TKTL1: variants seen among roughly 807,000 people sequenced by gnomAD.
TKTL1 encodes the protein transketolase-like protein 1.
Under a neutral mutation model 39.3 loss-of-function variants are expected in TKTL1, and 1 was observed. The observed-to-expected ratio is 0.03, with a 90% CI of 0.01 to 0.12. The LOEUF (loss-of-function observed/expected upper bound fraction) is 0.12. Ranked by LOEUF, TKTL1 falls within the 10% of genes least tolerant of loss-of-function variation. TKTL1 has a pLI of 1.00. For synonymous variants in TKTL1, 262 were observed against 193.8 expected (o/e 1.35, Z -2.92); for missense variants, 575 against 509.6 (o/e 1.13, Z -1.24).
At chrX:154,301,759 T>C (rs1057031053) in intron 1 of TKTL1, among the ~76,000 whole-genome samples, 30 of 107,599 alleles carry the variant, frequency 2.8e-4, no homozygotes, top group Admixed American at 1.8e-3. Context: ...TTCTTTCTTT[T>C]TTTTTTTTTT....
chrX:154,325,360 A>G lies in TKTL1; in HGVS notation c.1339A>G (p.Thr447Ala), dbSNP rs782108113. The change falls in exon 10 of 13, where the codon ACC (threonine) becomes GCC (alanine). Residue 447 changes from threonine to alanine, a missense_variant. Physicochemically the swap from Thr to Ala is moderately conservative, Grantham distance 58 (BLOSUM62 0). Coordinates refer to ENST00000369915, the MANE Select transcript of TKTL1 (RefSeq NM_012253.4). ...NAKGMCFIRTTRPETMVIYTP... is the reference protein window; with the variant it reads ...NAKGMCFIRTARPETMVIYTP... ...CTAGGGGATGTGCTTCATTCGGACCACCCGACCAGAAACTATGGTTATTTA... is the reference window on the plus strand; with the variant it reads ...CTAGGGGATGTGCTTCATTCGGACCGCCCGACCAGAAACTATGGTTATTTA... 5.0e-6 allele frequency: 6 copies of G among 1,211,627 alleles called. No individual in the cohort carries two copies. Among genetic ancestry groups the G allele is most frequent in the African/African-American group, 1.7e-5 (1 of 57,837 alleles).
At chrX:154,305,497 C>G in intron 2 of TKTL1, 76 bp downstream of exon 2, 7 of 1,113,595 alleles carry the variant, frequency 6.3e-6, no homozygotes, top group Non-Finnish European at 8.5e-6. Context: ...CGTGTGGGAA[C>G]AAGGCCTGAA....
intron 1 of TKTL1, among the ~76,000 whole-genome samples, chrX:154,299,149 C>CTTTTTTTTT (rs1180562974): frequency 6.4e-4 from 23 of 35,864 alleles, no homozygotes; most frequent in East Asian, 8.1e-4. Context: ...CTTTTTCTTT[C>CTTTTTTTTT]TTTTTTTTTT....
At position 154,323,399 on chromosome X, in the gene TKTL1, C is replaced by T. The variant is rs2067467728; in HGVS notation, c.1317+62C>T. 14 of 1,124,742 alleles carry T rather than the reference C, an allele frequency of 1.2e-5. No individual in the cohort carries two copies. The South Asian group carries it at 2.8e-4, about 22-fold the overall frequency. The allele number at this position is 1,124,742 out of a possible 1,213,427, so 92.7% of individuals were successfully genotyped here. Reference sequence around the variant, plus strand: ...GCTTCTGGACTCTGCTAGTTTCATACTGATGATTGGACTTTTTTTTCTCAA... The same window carrying T: ...GCTTCTGGACTCTGCTAGTTTCATATTGATGATTGGACTTTTTTTTCTCAA... On this transcript the variant is annotated intron_variant, in intron 9 of 12. Transcript: ENST00000369915.
chrX:154,309,206 C>T, intron 2 of TKTL1, 139 bp from the exon 3 acceptor site: 1 of 523,011 alleles, frequency 1.9e-6, no homozygotes, highest in Non-Finnish European at 3.4e-6. Flanking sequence ...AAGAGGAATT[C>T]ACCCAGCAGG....
At chrX:154,300,685 TTTTGTTTGTTTGTG>T (rs1371168605) in intron 1 of TKTL1, among the ~76,000 whole-genome samples, 84 of 110,909 alleles carry the variant, frequency 7.6e-4, no homozygotes, top group African/African-American at 2.5e-3. Context: ...GTCTTTAGGA[TTTTGTTTGTTTGTG>T]TTTGTTTGTT....
At chrX:154,316,718 G>A (rs2067402880) in intron 7 of TKTL1, among the ~76,000 whole-genome samples, 1 of 109,641 alleles carries the variant, frequency 9.1e-6, no homozygotes, top group Non-Finnish European at 1.9e-5. Flanking sequence ...CCCATGCTCT[G>A]CTGGGCCATT....
chrX:154,301,019 G>A (rs1422293698), intron 1 of TKTL1, among the ~76,000 whole-genome samples: 1 of 110,101 alleles, frequency 9.1e-6, no homozygotes, highest in Non-Finnish European at 1.9e-5. Context: ...CTGTATGATC[G>A]TATCATCAGT....
At chrX:154,322,774 G>A (rs1262145648) in intron 8 of TKTL1, among the ~76,000 whole-genome samples, 1 of 111,578 alleles carries the variant, frequency 9.0e-6, no homozygotes, top group Non-Finnish European at 1.9e-5. Flanking sequence ...TGGAAGGCCT[G>A]GAGAAATGAA....
At chrX:154,298,588 A>T (rs1309979530) in intron 1 of TKTL1, among the ~76,000 whole-genome samples, 1 of 111,585 alleles carries the variant, frequency 9.0e-6, no homozygotes, top group African/African-American at 3.3e-5. Context: ...GAGCACCTGT[A>T]GTCTCAGCTA....
intron 3 of TKTL1, among the ~76,000 whole-genome samples, chrX:154,309,643 G>T (rs2067341122): frequency 9.0e-6 from 1 of 111,059 alleles, no homozygotes; most frequent in Admixed American, 9.5e-5. Context: ...TCTCCCACAG[G>T]TCTGTTGAAA....
intron 9 of TKTL1, among the ~76,000 whole-genome samples, chrX:154,324,008 C>G (rs2067473659): frequency 8.8e-6 from 1 of 113,028 alleles, no homozygotes; most frequent in African/African-American, 3.2e-5. Context: ...CACAGGTAAC[C>G]CCTGGCACAG....
In TKTL1 at chrX:154,299,272, C is replaced by G. The variant is rs1165534940; in HGVS notation, c.134+3279C>G. Among the ~76,000 whole-genome samples, 14 of 104,620 alleles carry G rather than the reference C, an allele frequency of 1.3e-4. No individual in the cohort carries two copies. The Admixed American group carries it at 1.5e-3, about 11-fold the overall frequency. The allele number at this position is 104,620 out of a possible 115,157, so 90.8% of individuals were successfully genotyped here. ...CCAGGTTCAAGCAATTCTCCTGCCT[C>G]GGCCTCCCAAGTAGCTGGGATTACA... On this transcript the variant is annotated intron_variant, in intron 1 of 12. Transcript: ENST00000369915.
At chrX:154,309,917 T>C (rs2067342990) in intron 3 of TKTL1, among the ~76,000 whole-genome samples, 1 of 109,082 alleles carries the variant, frequency 9.2e-6, no homozygotes, top group African/African-American at 3.3e-5. Context: ...GTATTTTTGG[T>C]AGAGATGGGG....
chrX:154,322,809 C>T (rs1277676420), intron 8 of TKTL1, among the ~76,000 whole-genome samples: 2 of 111,714 alleles, frequency 1.8e-5, no homozygotes, highest in African/African-American at 6.5e-5. Flanking sequence ...TATGCAAAAC[C>T]CGGTCTCTGG....
At chrX:154,296,692 T>C (rs186165114) in intron 1 of TKTL1, among the ~76,000 whole-genome samples, 186 of 111,305 alleles carry the variant, frequency 1.7e-3, no homozygotes, top group African/African-American at 5.9e-3. Flanking sequence ...GCTGGCTTCA[T>C]AGGATGTTTC....
chrX:154,328,594 T>C (rs1410205901), intron 12 of TKTL1, among the ~76,000 whole-genome samples: 11 of 58,134 alleles, frequency 1.9e-4, no homozygotes, highest in African/African-American at 5.5e-4. Context: ...AAAAAAAAAG[T>C]GTGCCCCGAC....
intron 1 of TKTL1, among the ~76,000 whole-genome samples, chrX:154,301,439 C>T (rs781834109): frequency 1.8e-5 from 2 of 111,392 alleles, no homozygotes; most frequent in Non-Finnish European, 1.9e-5. Flanking sequence ...ATCACTTGAA[C>T]CCGGAAGGTG....
In TKTL1 at chrX:154,325,410, C is replaced by A; in HGVS notation, c.1389C>A (p.Ile463=). 1 of 1,210,375 alleles carries A rather than the reference C, an allele frequency of 8.3e-7. No individual in the cohort carries two copies. The highest frequency in any genetic ancestry group is 1.8e-5 in the South Asian group (1 of 56,969). Residue 463 remains isoleucine (I), a synonymous_variant, in exon 10 of 13, where the codon ATC becomes ATA. Coordinates refer to ENST00000369915, the MANE Select transcript of TKTL1 (RefSeq NM_012253.4). The part of the protein sequence containing the change: ...VIYTPQERFE[I]GQAKVLRHCV... Reference sequence around the variant, plus strand: ...ACACCCCACAAGAACGCTTTGAGATCGGACAGGCCAAGGTAAGGGCTTACG... The same window carrying A: ...ACACCCCACAAGAACGCTTTGAGATAGGACAGGCCAAGGTAAGGGCTTACG...
Sources: allele counts gnomAD v4.1 joint callset (sites outside exome capture counted in the v4.1 genomes callset), GRCh38; gene constraint gnomAD v4.1.1; transcripts MANE v1.5; gene names NCBI Gene and HGNC (gene_info 2026-07-23, HGNC 2026-07-21).